The following UBE2V1 variants were observed in gnomAD, a reference collection of about 807,000 sequenced individuals.
The protein encoded by UBE2V1 is ubiquitin-conjugating enzyme E2 variant 1.
In UBE2V1, 15 loss-of-function variants were observed where a neutral mutation model predicts 19.6. The observed-to-expected ratio is 0.77, with a 90% CI of 0.51 to 1.18. UBE2V1 has a LOEUF of 1.18. Ranked by LOEUF, UBE2V1 falls within the 50% of genes most tolerant of loss-of-function variation. The pLI, the probability that UBE2V1 is intolerant of heterozygous loss-of-function variation, is 0.00. For missense variants in UBE2V1, 125 were observed against 184.8 expected, an observed-to-expected ratio of 0.68 and a Z score of 1.88; for synonymous variants, 60 against 60.7, an observed-to-expected ratio of 0.99 and a Z score of 0.05.
intron 1 of UBE2V1, among the ~76,000 whole-genome samples, chr20:50,105,552 A>G (rs1247149564): frequency 6.6e-6 from 1 of 152,260 alleles, no homozygotes; most frequent in Non-Finnish European, 1.5e-5. Flanking sequence ...TAATCAATTG[A>G]ATCAACATAA....
chr20:50,096,259 T>C lies in UBE2V1; in HGVS notation c.171+413A>G. On this transcript the variant is annotated intron_variant, in intron 2 of 3. Coordinates refer to ENST00000371674, the MANE Select transcript of UBE2V1 (RefSeq NM_001032288.3). ...ATGGCCCAAGGAACTAGGATACAGG[T>C]GCACGGCAGACCTGGGAGACAGTGA... The C allele has an allele frequency of 1.1e-5, 3 of 266,000 alleles. No homozygotes were observed. The South Asian group carries it at 1.2e-4, about 10-fold the overall frequency. 16.5% of individuals were successfully genotyped at this position (266,000 alleles called of 1,614,324 possible).
intron 1 of UBE2V1, 60 bp from the exon 2 acceptor site, chr20:50,096,880 G>T: frequency 6.3e-7 from 1 of 1,598,570 alleles, no homozygotes; most frequent in Non-Finnish European, 8.5e-7. Context: ...TGTAAGCCTA[G>T]AGCTAGCTGC....
chr20:50,113,927 C>T (rs768876492), upstream of UBE2V1, among the ~76,000 whole-genome samples: 1 of 152,062 alleles, frequency 6.6e-6, no homozygotes, highest in East Asian at 1.9e-4. Flanking sequence ...ACATTCTAGT[C>T]GTAGACAGCA....
chr20:50,084,106 G>C (rs1188853382), intron 3 of UBE2V1, 23 bp downstream of exon 3: 3 of 1,554,976 alleles, frequency 1.9e-6, no homozygotes, highest in East Asian at 4.5e-5. Context: ...CAAGGAACAA[G>C]TGGGACAGAG....
rs1376444799 is a variant in UBE2V1, at chr20:50,082,730, T to TG, written c.*37dup. On this transcript the variant is annotated 3_prime_UTR_variant, in exon 4 of 4. Coordinates refer to ENST00000371674, the MANE Select transcript of UBE2V1 (RefSeq NM_001032288.3). ...AAAATGAAGACTGATTAAATCGAATTGGGGGGAAGGGGAAGGGCCTGTGGT... is the reference window on the plus strand; with the variant it reads ...AAAATGAAGACTGATTAAATCGAATTGGGGGGGAAGGGGAAGGGCCTGTGGT... 1.3e-6 allele frequency: 2 copies of TG among 1,597,316 alleles called. No individual in the cohort carries two copies. The highest frequency in any genetic ancestry group is 3.4e-5 in the Admixed American group (2 of 58,292).
intron 1 of UBE2V1, among the ~76,000 whole-genome samples, chr20:50,103,899 G>C (rs902756481): frequency 6.7e-6 from 1 of 149,476 alleles, no homozygotes; most frequent in African/African-American, 2.5e-5. Flanking sequence ...AGTCAGAGCT[G>C]TGACTCATTC....
intron 2 of UBE2V1, among the ~76,000 whole-genome samples, chr20:50,087,390 T>C (rs757028542): frequency 8.6e-5 from 11 of 127,698 alleles, no homozygotes; most frequent in Non-Finnish European, 1.6e-4. Flanking sequence ...TGCGACACTT[T>C]GTCAAAAAAA....
chr20:50,109,747 CAAA>C (rs11468343), intron 1 of UBE2V1, among the ~76,000 whole-genome samples: 105 of 89,524 alleles, frequency 1.2e-3, no homozygotes, highest in Middle Eastern at 9.9e-3. Flanking sequence ...AACTCCGTCT[CAAA>C]AAAAAAAAAA....
Position 50,081,839 on chromosome 20 carries a change from C to A in UBE2V1, c.*929G>T. 3.8e-6 allele frequency: 1 copy of A among 265,952 alleles called. No individual in the cohort carries two copies. Among genetic ancestry groups the A allele is most frequent in the Non-Finnish European group, 7.1e-6 (1 of 141,638 alleles). The allele number at this position is 265,952 out of a possible 1,614,324, so 16.5% of individuals were successfully genotyped here. On this transcript the variant is annotated 3_prime_UTR_variant, in exon 4 of 4. Transcript: ENST00000371674. Reference sequence around the variant, plus strand: ...TCTTTTCACCTTATCAAAACCTGAGCTAAAAACAATGCATCAGCTGATGAC... The same window carrying A: ...TCTTTTCACCTTATCAAAACCTGAGATAAAAACAATGCATCAGCTGATGAC...
At chr20:50,088,041 A>C (rs1390953545) in intron 2 of UBE2V1, among the ~76,000 whole-genome samples, 1 of 150,598 alleles carries the variant, frequency 6.6e-6, no homozygotes, top group Non-Finnish European at 1.5e-5. Flanking sequence ...CAGAGCCTGG[A>C]GATTATAAAT....
rs113771532 is a variant in UBE2V1 at position 50,104,655 on chromosome 20, C to CAAAA, written c.23-7839_23-7836dup. Among the ~76,000 whole-genome samples, 554 of 71,574 alleles carry CAAAA rather than the reference C, an allele frequency of 7.7e-3. 16 individuals are homozygous for CAAAA. Among genetic ancestry groups the CAAAA allele is most frequent in the African/African-American group, 0.013 (258 of 19,536 alleles). The allele number at this position is 71,574 out of a possible 152,430, so 47.0% of individuals were successfully genotyped here. A position where few individuals can be genotyped will look rare whatever the true frequency, so the allele number is the denominator to read the frequency against. On this transcript the variant is annotated intron_variant, in intron 1 of 3. Transcript: ENST00000371674. ...CCAGGGCGACAGTGAGACTCTGGCA[C>CAAAA]AAAAAAAAAAAAAAAAAAAAAATTA...
At chr20:50,085,612 A>G (rs1012244610) in intron 2 of UBE2V1, among the ~76,000 whole-genome samples, 3 of 152,158 alleles carry the variant, frequency 2.0e-5, no homozygotes, top group Non-Finnish European at 4.4e-5. Context: ...CTTGTACTGC[A>G]TAATTGCTCC....
chr20:50,090,422 C>T (rs937642760), intron 2 of UBE2V1, among the ~76,000 whole-genome samples: 16 of 148,824 alleles, frequency 1.1e-4, no homozygotes, highest in African/African-American at 3.7e-4. Flanking sequence ...TGCAGTGAGC[C>T]GAGATGGCGC....
chr20:50,104,251 C>A, intron 1 of UBE2V1: 1 of 951,108 alleles, frequency 1.1e-6, no homozygotes, highest in Non-Finnish European at 1.2e-6. Context: ...CACGGCACTC[C>A]AGCCTGGCAA....
intron 1 of UBE2V1, chr20:50,111,709 A>C: frequency 4.2e-6 from 2 of 475,310 alleles, no homozygotes; most frequent in Non-Finnish European, 5.5e-6. Context: ...CACCCCAACC[A>C]TCAGGCAAGT....
chr20:50,096,749 T>C lies in UBE2V1; in HGVS notation c.94A>G (p.Thr32Ala). The change falls in exon 2 of 4, where the codon ACA (threonine) becomes GCA (alanine). Residue 32 changes from threonine to alanine, a missense_variant. Physicochemically the swap from Thr to Ala is moderately conservative, Grantham distance 58. Transcript: ENST00000371674. ...EEGQKGVGDGTVSWGLEDDED... is the reference protein window; with the variant it reads ...EEGQKGVGDGAVSWGLEDDED... The stretch of plus-strand genomic sequence containing the variant: ...TCATCTTCTAGACCCCAGCTAACTG[T>C]GCCATCTCCTACTCCTTTCTGGCCT... 1 of 1,614,206 alleles carries C rather than the reference T, an allele frequency of 6.2e-7. No homozygotes were observed. Among genetic ancestry groups the C allele is most frequent in the Non-Finnish European group, 8.5e-7 (1 of 1,180,028 alleles).
At chr20:50,105,535 A>G (rs532451886) in intron 1 of UBE2V1, among the ~76,000 whole-genome samples, 48 of 152,390 alleles carry the variant, frequency 3.1e-4, no homozygotes, top group African/African-American at 9.9e-4. Context: ...TTGGTCCTCT[A>G]GCACTTTAAT....
intron 2 of UBE2V1, chr20:50,084,498 G>C (rs1373198990): frequency 1.9e-5 from 12 of 647,738 alleles, no homozygotes; most frequent in Non-Finnish European, 3.0e-5. Flanking sequence ...GAAGTTTTTA[G>C]TATTAAGTCT....
chr20:50,105,855 G>A (rs1023509387), intron 1 of UBE2V1, among the ~76,000 whole-genome samples: 10 of 152,036 alleles, frequency 6.6e-5, no homozygotes, highest in Non-Finnish European at 8.8e-5. Context: ...ACTTGAACCC[G>A]GGAGGTGGAG....
Sources: gnomAD v4.1 joint callset for allele counts (sites outside exome capture counted in the v4.1 genomes callset) on GRCh38, gnomAD v4.1.1 for gene constraint, MANE v1.5 for transcripts, NCBI Gene and HGNC (gene_info 2026-07-23, HGNC 2026-07-21) for gene names.